The following CAMKMT variants were observed in gnomAD, a reference collection of about 807,000 sequenced individuals.
The protein encoded by CAMKMT is CaM KMT.
In CAMKMT, 53 loss-of-function variants were observed where a neutral mutation model predicts 48.0. The observed-to-expected ratio is 1.10, with a 90% CI of 0.89 to 1.39. The LOEUF (loss-of-function observed/expected upper bound fraction) is 1.39, where lower values mean the gene tolerates loss of function less well. Ranked by LOEUF, CAMKMT falls within the 40% of genes most tolerant of loss-of-function variation. The probability of loss-of-function intolerance (pLI) is 0.00; values close to 1 mark genes in which losing one functional copy is unlikely to be tolerated. For missense variants in CAMKMT, 428 were observed against 402.7 expected (o/e 1.06, Z -0.54); for synonymous variants, 165 against 152.3 (o/e 1.08, Z -0.61).
intron 3 of CAMKMT, among the ~76,000 whole-genome samples, chr2:44,440,360 C>G (rs935794674): frequency 6.6e-6 from 1 of 151,952 alleles, no homozygotes; most frequent in East Asian, 1.9e-4. Context: ...GGATGAAGAA[C>G]CCAACATTCA....
chr2:44,761,297 A>G (rs144730261), intron 9 of CAMKMT, among the ~76,000 whole-genome samples: 1,776 of 152,252 alleles, frequency 0.012, 24 homozygotes, highest in African/African-American at 0.041. Context: ...ACATAAAAGA[A>G]CAGATGGGGG....
intron 3 of CAMKMT, among the ~76,000 whole-genome samples, chr2:44,398,183 A>C (rs746005268): frequency 3.8e-4 from 58 of 152,312 alleles, no homozygotes; most frequent in Middle Eastern, 3.4e-3. Context: ...GTCCAGAACA[A>C]GGTAATTTGC....
intron 7 of CAMKMT, among the ~76,000 whole-genome samples, chr2:44,724,643 A>T (rs540083197): frequency 6.6e-6 from 1 of 152,212 alleles, no homozygotes; most frequent in Non-Finnish European, 1.5e-5. Context: ...TAGAAGAGGC[A>T]TTTTTTCACT....
At chr2:44,582,553 C>A (rs903382026) in intron 3 of CAMKMT, among the ~76,000 whole-genome samples, 4 of 152,172 alleles carry the variant, frequency 2.6e-5, no homozygotes, top group Non-Finnish European at 4.4e-5. Flanking sequence ...AGCACATAGT[C>A]CAATAAGCAA....
At chr2:44,634,912 T>G (rs1424576395) in intron 3 of CAMKMT, among the ~76,000 whole-genome samples, 1 of 152,120 alleles carries the variant, frequency 6.6e-6, no homozygotes, top group East Asian at 1.9e-4. Flanking sequence ...ATTCATTTAA[T>G]AAATGTGTCT....
At chr2:44,380,014 T>G (rs1680081902) in intron 2 of CAMKMT, among the ~76,000 whole-genome samples, 1 of 152,168 alleles carries the variant, frequency 6.6e-6, no homozygotes. Flanking sequence ...TTTTCATTTG[T>G]TATCTATAAT....
chr2:44,479,493 A>T (rs938416660), intron 3 of CAMKMT, among the ~76,000 whole-genome samples: 2 of 152,210 alleles, frequency 1.3e-5, no homozygotes, highest in African/African-American at 4.8e-5. Flanking sequence ...TTTTAAACCA[A>T]CATTTTTGAG....
chr2:44,551,053 T>C (rs1437119866), intron 3 of CAMKMT, among the ~76,000 whole-genome samples: 1 of 152,164 alleles, frequency 6.6e-6, no homozygotes, highest in East Asian at 1.9e-4. Flanking sequence ...AAAAGTCTCA[T>C]CTATTCTACC....
intron 3 of CAMKMT, among the ~76,000 whole-genome samples, chr2:44,556,059 G>A (rs1331509716): frequency 1.3e-5 from 2 of 152,132 alleles, no homozygotes; most frequent in African/African-American, 4.8e-5. Flanking sequence ...GGTTATACCT[G>A]TCTGTGTTAT....
intron 3 of CAMKMT, among the ~76,000 whole-genome samples, chr2:44,567,351 G>C (rs1362923598): frequency 6.6e-6 from 1 of 152,152 alleles, no homozygotes; most frequent in East Asian, 1.9e-4. Flanking sequence ...AGCAGTGGGT[G>C]ATCTCTGCAT....
intron 3 of CAMKMT, among the ~76,000 whole-genome samples, chr2:44,623,997 G>A (rs939131716): frequency 2.6e-5 from 4 of 152,080 alleles, no homozygotes; most frequent in Non-Finnish European, 5.9e-5. Flanking sequence ...GAATTTTGGA[G>A]TAGTATTCCA....
chr2:44,623,237 G>T (rs777017065), intron 3 of CAMKMT, among the ~76,000 whole-genome samples: 3 of 152,020 alleles, frequency 2.0e-5, no homozygotes, highest in African/African-American at 4.8e-5. Context: ...GCCTTTGTTG[G>T]TATAGTTTAC....
At chr2:44,554,020 T>C (rs898873255) in intron 3 of CAMKMT, among the ~76,000 whole-genome samples, 14 of 152,200 alleles carry the variant, frequency 9.2e-5, no homozygotes, top group Non-Finnish European at 1.9e-4. Flanking sequence ...TGGAGACTCT[T>C]AGGAGGTGGG....
intron 3 of CAMKMT, among the ~76,000 whole-genome samples, chr2:44,621,819 C>T (rs1272688927): frequency 1.3e-5 from 2 of 152,006 alleles, no homozygotes; most frequent in Non-Finnish European, 2.9e-5. Context: ...TCTTTTTGCT[C>T]CATGGAGAAT....
chr2:44,478,958 C>G (rs1346044228), intron 3 of CAMKMT, among the ~76,000 whole-genome samples: 2 of 152,196 alleles, frequency 1.3e-5, no homozygotes, highest in African/African-American at 4.8e-5. Flanking sequence ...CTCGGCCTCC[C>G]AAGGTGCTGG....
intron 7 of CAMKMT, among the ~76,000 whole-genome samples, chr2:44,738,790 G>A (rs1250187972): frequency 6.6e-6 from 1 of 152,186 alleles, no homozygotes; most frequent in Admixed American, 6.5e-5. Flanking sequence ...TTTTAGAAGT[G>A]CTGGACTGAA....
intron 3 of CAMKMT, among the ~76,000 whole-genome samples, chr2:44,663,092 C>A (rs1674764094): frequency 6.6e-6 from 1 of 152,064 alleles, no homozygotes; most frequent in Admixed American, 6.6e-5. Context: ...AGAATATTTT[C>A]TTAAACAGCC....
At chr2:44,379,349 T>G (rs1220901261) in intron 2 of CAMKMT, among the ~76,000 whole-genome samples, 1 of 152,238 alleles carries the variant, frequency 6.6e-6, no homozygotes, top group Non-Finnish European at 1.5e-5. Flanking sequence ...TTTGGGCTAT[T>G]ATGAATAATG....
Position 44,400,157 on chromosome 2 carries a change from C to T in CAMKMT, c.376+9852C>T, listed in dbSNP as rs75788103. Reference sequence around the variant, plus strand: ...TTTATATTTGATATGTTAATATGTTCTATATAATGGAGAGGTAAATCTAAG... The same window carrying T: ...TTTATATTTGATATGTTAATATGTTTTATATAATGGAGAGGTAAATCTAAG... On this transcript the variant is annotated intron_variant, in intron 3 of 10. Transcript: ENST00000378494. Among the ~76,000 whole-genome samples, 14 of 152,154 alleles carry T rather than the reference C, an allele frequency of 9.2e-5. No homozygotes were observed. The East Asian group carries it at 2.7e-3, about 29-fold the overall frequency.
Sources: gnomAD v4.1 joint callset for allele counts (sites outside exome capture counted in the v4.1 genomes callset) on GRCh38, gnomAD v4.1.1 for gene constraint, MANE v1.5 for transcripts, NCBI Gene and HGNC (gene_info 2026-07-23, HGNC 2026-07-21) for gene names.